Variants in SLC35H1 observed in about 807,000 individuals in gnomAD.
SLC35H1 encodes the protein ovarian cancer-overexpressed gene 1 protein.
the SLC35H1 span, among the ~76,000 whole-genome samples, chr20:46,360,929 G>T: frequency 6.6e-6 from 1 of 152,200 alleles, no homozygotes; most frequent in Non-Finnish European, 1.5e-5. Flanking sequence ...AAAAGGGACT[G>T]TTACAAAATA....
chr20:46,352,443 C>T, the SLC35H1 span: 2 of 554,814 alleles, frequency 3.6e-6, no homozygotes, highest in South Asian at 2.2e-5. Context: ...GCTGCCAGAG[C>T]GCCTGGGGGC....
chr20:46,355,235 C>T, the SLC35H1 span: 2 of 1,613,228 alleles, frequency 1.2e-6, no homozygotes, highest in East Asian at 2.2e-5. This position sits in a 1 kb window ranked among gnomAD's most constrained non-coding sequence, Gnocchi z 4.8. Context: ...AGGACCAGTG[C>T]CGCGCGCTGG....
At chr20:46,351,127 A>G in the SLC35H1 span, among the ~76,000 whole-genome samples, 2 of 152,242 alleles carry the variant, frequency 1.3e-5, no homozygotes, top group South Asian at 4.1e-4. Context: ...TCTGTCAGGA[A>G]TAAAAGAGGC....
At chr20:46,350,967 G>A in the SLC35H1 span, 5 of 1,567,200 alleles carry the variant, frequency 3.2e-6, no homozygotes, top group South Asian at 4.6e-5. Flanking sequence ...GAAGGTGGGG[G>A]CACTAGGTAC....
At chr20:46,356,078 C>T in the SLC35H1 span, among the ~76,000 whole-genome samples, 17 of 152,282 alleles carry the variant, frequency 1.1e-4, no homozygotes, top group African/African-American at 4.1e-4. Context: ...ACAGGTCTGA[C>T]GTTGAGCTCC....
At chr20:46,355,432 A>G in the SLC35H1 span, 24 of 676,326 alleles carry the variant, frequency 3.5e-5, no homozygotes, top group South Asian at 3.8e-4. The surrounding 1 kb of genome is among the most constrained non-coding windows in gnomAD (Gnocchi z 4.8). Flanking sequence ...GCTGACGGTC[A>G]GCTGGTATGC....
At chr20:46,351,302 T>C in the SLC35H1 span, among the ~76,000 whole-genome samples, 2 of 152,238 alleles carry the variant, frequency 1.3e-5, no homozygotes, top group African/African-American at 2.4e-5. Context: ...GGGCTCTCTA[T>C]AAACAGAGAC....
At chr20:46,357,190 T>C in the SLC35H1 span, among the ~76,000 whole-genome samples, 1 of 152,206 alleles carries the variant, frequency 6.6e-6, no homozygotes, top group Non-Finnish European at 1.5e-5. Flanking sequence ...TCTGCCTACT[T>C]GGCACCTGGC....
At chr20:46,359,845 C>T in the SLC35H1 span, among the ~76,000 whole-genome samples, 1 of 152,340 alleles carries the variant, frequency 6.6e-6, no homozygotes, top group Non-Finnish European at 1.5e-5. Context: ...GCTTCACGAT[C>T]AGACACATTC....
the SLC35H1 span, chr20:46,353,103 C>T: frequency 1.3e-5 from 2 of 152,324 alleles, no homozygotes; most frequent in African/African-American, 4.8e-5. Flanking sequence ...TCCCTACAAA[C>T]GTTCATTTTA....
the SLC35H1 span, among the ~76,000 whole-genome samples, chr20:46,362,927 C>T: frequency 2.6e-5 from 4 of 152,294 alleles, no homozygotes; most frequent in South Asian, 2.1e-4. Flanking sequence ...CCACCATGCC[C>T]GGCTAATTTT....
the SLC35H1 span, chr20:46,350,802 C>G: frequency 1.9e-6 from 3 of 1,614,096 alleles, no homozygotes; most frequent in East Asian, 6.7e-5. Context: ...GAGGGATATT[C>G]CCGAGAGGCA....
chr20:46,356,386 C>T, the SLC35H1 span, among the ~76,000 whole-genome samples: 4 of 152,172 alleles, frequency 2.6e-5, no homozygotes, highest in African/African-American at 4.8e-5. Flanking sequence ...ATCTCCTCTG[C>T]GCTGGGCTTA....
the SLC35H1 span, chr20:46,355,700 T>C: frequency 6.4e-7 from 1 of 1,559,158 alleles, no homozygotes; most frequent in Non-Finnish European, 8.7e-7. The surrounding 1 kb of genome is among the most constrained non-coding windows in gnomAD (Gnocchi z 4.8). Flanking sequence ...GGACTGGGCT[T>C]GTCTCCTCTG....
chr20:46,350,896 G>C, the SLC35H1 span: 1 of 1,613,736 alleles, frequency 6.2e-7, no homozygotes, highest in South Asian at 1.1e-5. Context: ...ACTTCCTGGG[G>C]GCAGAGAAGC....
chr20:46,361,826 T>A, the SLC35H1 span, among the ~76,000 whole-genome samples: 1 of 152,222 alleles, frequency 6.6e-6, no homozygotes, highest in Non-Finnish European at 1.5e-5. Flanking sequence ...AGAGCTTTCT[T>A]CTGAGCACTC....
the SLC35H1 span, chr20:46,357,654 CCAGCTCAGCA>C: frequency 6.2e-7 from 1 of 1,614,110 alleles, no homozygotes. Context: ...GGTAGTCGGC[CCAGCTCAGCA>C]CCACACGGGC....
At chr20:46,355,498 C>G in the SLC35H1 span, 2 of 620,626 alleles carry the variant, frequency 3.2e-6, no homozygotes, top group African/African-American at 3.7e-5. This position sits in a 1 kb window ranked among gnomAD's most constrained non-coding sequence, Gnocchi z 4.8. Context: ...CCAAGTGGTC[C>G]CACCTCCTCC....
chr20:46,358,438 G>C, the SLC35H1 span: 2 of 1,614,244 alleles, frequency 1.2e-6, no homozygotes, highest in South Asian at 2.2e-5. Flanking sequence ...AGCAGTAGTA[G>C]AGAAGCACCA....
Sources: gnomAD v4.1 joint callset for allele counts (sites outside exome capture counted in the v4.1 genomes callset) on GRCh38, gnomAD v4.1.1 for gene constraint, Gnocchi (gnomAD v3.1) non-coding constraint, MANE v1.5 for transcripts, NCBI Gene and HGNC (gene_info 2026-07-23, HGNC 2026-07-21) for gene names.